The following ADAM12 variants were observed in gnomAD, a reference collection of about 807,000 sequenced individuals.
ADAM12 encodes ADAM metallopeptidase domain 12, also known as disintegrin and metalloproteinase domain-containing protein 12.
In ADAM12, 70 loss-of-function variants were observed where a neutral mutation model predicts 106.4. That is an observed-to-expected ratio of 0.66 (90% CI 0.54 to 0.80). ADAM12 has a LOEUF of 0.80. ADAM12 is among the 30% of genes least tolerant of loss of function. ADAM12 has a pLI of 0.00. For missense variants in ADAM12, 1,010 were observed against 1,171.9 expected (o/e 0.86, Z 2.02); for synonymous variants, 420 against 433.5 (o/e 0.97, Z 0.39).
intron 3 of ADAM12, among the ~76,000 whole-genome samples, chr10:126,268,661 G>A (rs1381903241): frequency 3.3e-5 from 5 of 152,212 alleles, no homozygotes; most frequent in African/African-American, 9.7e-5. Context: ...GTGACTATCA[G>A]TTGCAGTTTT....
intron 18 of ADAM12, chr10:126,041,875 C>T: frequency 1.5e-6 from 2 of 1,348,076 alleles, no homozygotes; most frequent in South Asian, 1.9e-5. Context: ...CTGCTACTCT[C>T]TCAGGAGCAG....
At chr10:126,129,176 A>G (rs1956261072) in intron 5 of ADAM12, among the ~76,000 whole-genome samples, 1 of 152,238 alleles carries the variant, frequency 6.6e-6, no homozygotes, top group African/African-American at 2.4e-5. Context: ...CAGGTGATGA[A>G]GACTTGGGGC....
At chr10:126,260,064 C>A (rs185544209) in intron 3 of ADAM12, among the ~76,000 whole-genome samples, 120 of 152,284 alleles carry the variant, frequency 7.9e-4, no homozygotes, top group East Asian at 6.0e-3. Context: ...TCAAGTGACA[C>A]CTGGGTCCCA....
At chr10:126,033,620 T>C (rs1328831147) in intron 21 of ADAM12, among the ~76,000 whole-genome samples, 2 of 152,138 alleles carry the variant, frequency 1.3e-5, no homozygotes, top group South Asian at 4.1e-4. Context: ...CTGACCTTAC[T>C]CCAGCTCAAC....
intron 11 of ADAM12, among the ~76,000 whole-genome samples, chr10:126,072,110 C>G (rs1477175800): frequency 2.0e-5 from 3 of 152,148 alleles, no homozygotes; most frequent in South Asian, 4.1e-4. Flanking sequence ...TCCAAGGACA[C>G]ATGGTTCCAC....
chr10:126,159,307 C>CAAAAAAAAAAAAAAAAAAA (rs3069557), intron 3 of ADAM12, among the ~76,000 whole-genome samples: 2 of 80,630 alleles, frequency 2.5e-5, no homozygotes, highest in Non-Finnish European at 4.4e-5. Context: ...GAGACTCCAT[C>CAAAAAAAAAAAAAAAAAAA]AAAAAAAAAA....
chr10:126,236,303 G>A (rs1958414668), intron 3 of ADAM12, among the ~76,000 whole-genome samples: 1 of 152,204 alleles, frequency 6.6e-6, no homozygotes, highest in Non-Finnish European at 1.5e-5. Context: ...ACTCTCGAGT[G>A]TCTGGCTGGG....
intron 4 of ADAM12, among the ~76,000 whole-genome samples, chr10:126,138,386 T>G (rs1468810913): frequency 6.6e-6 from 1 of 152,068 alleles, no homozygotes; most frequent in Non-Finnish European, 1.5e-5. Flanking sequence ...ATTTATTTAT[T>G]TTTTTTGAGA....
At chr10:126,351,506 CT>C (rs758852984) in intron 1 of ADAM12, among the ~76,000 whole-genome samples, 5 of 152,296 alleles carry the variant, frequency 3.3e-5, no homozygotes, top group Non-Finnish European at 7.4e-5. Flanking sequence ...ATGGCATGTG[CT>C]TACTACCTGG....
chr10:126,049,894 TC>T lies in ADAM12; in HGVS notation c.1610-226del, dbSNP rs1361877815. Among the ~76,000 whole-genome samples the T allele has an allele frequency of 6.6e-6, 1 of 152,152 alleles. No homozygotes were observed. The highest frequency in any genetic ancestry group is 1.5e-5 in the Non-Finnish European group (1 of 68,032). On this transcript the variant is annotated intron_variant, in intron 14 of 22. Transcript: ENST00000448723. This position sits in a 1 kb window ranked among gnomAD's most constrained non-coding sequence, Gnocchi z 4.4. ...GAGCACATGTTCCAATGCTTACTCT[TC>T]CTTAGGTCTGCTCTCTGGGCTTGTG... is the stretch of plus-strand genomic sequence containing the variant.
intron 3 of ADAM12, among the ~76,000 whole-genome samples, chr10:126,220,110 C>T (rs1415189643): frequency 6.6e-6 from 1 of 152,194 alleles, no homozygotes; most frequent in Non-Finnish European, 1.5e-5. Context: ...GACACATGCC[C>T]ACAGGGCCAG....
At chr10:126,376,375 T>C (rs879485227) in intron 1 of ADAM12, among the ~76,000 whole-genome samples, 1 of 152,152 alleles carries the variant, frequency 6.6e-6, no homozygotes, top group Non-Finnish European at 1.5e-5. Flanking sequence ...ACTCCACAGA[T>C]AAAACAAGAA....
intron 21 of ADAM12, among the ~76,000 whole-genome samples, chr10:126,034,637 G>GA (rs554146389): frequency 5.9e-5 from 9 of 152,198 alleles, no homozygotes; most frequent in East Asian, 3.9e-4. Flanking sequence ...CTAAATGGAT[G>GA]AAAAAATCTA....
chr10:126,280,576 C>T (rs1959525943), intron 2 of ADAM12, among the ~76,000 whole-genome samples: 2 of 152,136 alleles, frequency 1.3e-5, no homozygotes, highest in African/African-American at 4.8e-5. Context: ...AGACCTAAAA[C>T]TTACATCATC....
intron 3 of ADAM12, among the ~76,000 whole-genome samples, chr10:126,162,762 T>C (rs1385354470): frequency 6.6e-6 from 1 of 152,120 alleles, no homozygotes; most frequent in Non-Finnish European, 1.5e-5. Flanking sequence ...CTGAGGACTC[T>C]TGCGTGATGT....
rs189608422 is a variant in ADAM12, at chr10:126,163,973, C to T, written c.261-8668G>A. 1.5e-4 allele frequency among the ~76,000 whole-genome samples: 23 copies of T among 152,304 alleles called. No individual in the cohort carries two copies. In the East Asian group the frequency reaches 4.4e-3, roughly 29 times the overall value. ...AGAAATATGCTTCAAATTGCTTACA[C>T]TGATCATACAGGGGGTATGGGGTGG... is the stretch of plus-strand genomic sequence containing the variant. On this transcript the variant is annotated intron_variant, in intron 3 of 22. Coordinates refer to ENST00000448723, the MANE Select transcript of ADAM12 (RefSeq NM_001288973.2).
rs1471655159 is a variant in ADAM12 at position 126,190,989 on chromosome 10, C to T, written c.261-35684G>A. Among the ~76,000 whole-genome samples the T allele has an allele frequency of 6.6e-4, 45 of 68,632 alleles. 1 individual carries two copies. The highest frequency in any genetic ancestry group is 1.2e-3 in the Non-Finnish European group (29 of 25,088). The allele number at this position is 68,632 out of a possible 152,430, so 45.0% of individuals were successfully genotyped here. On this transcript the variant is annotated intron_variant, in intron 3 of 22. Coordinates refer to ENST00000448723, the MANE Select transcript of ADAM12 (RefSeq NM_001288973.2). Reference sequence around the variant, plus strand: ...TTTGAGTTGCCATGAGGAGTTTTGTCCTTTTTTTTTTTTTTTTTTTTTTTT... The same window carrying T: ...TTTGAGTTGCCATGAGGAGTTTTGTTCTTTTTTTTTTTTTTTTTTTTTTTT...
Position 126,048,637 on chromosome 10 carries a change from G to A in ADAM12, c.1917+616C>T, listed in dbSNP as rs994659020. Among the ~76,000 whole-genome samples the A allele has an allele frequency of 6.0e-5, 9 of 149,448 alleles. No individual in the cohort carries two copies. The East Asian group carries it at 1.8e-3, about 29-fold the overall frequency. On this transcript the variant is annotated intron_variant, in intron 16 of 22. Coordinates refer to ENST00000448723, the MANE Select transcript of ADAM12 (RefSeq NM_001288973.2). ...TCTTAAAACATTGTATTCGCTTGCT[G>A]TCATTTAGTCTGATGAGAAAGTTTG...
rs1412113649 is a variant in ADAM12, at chr10:126,248,681, G to GTATT, written c.260+30233_260+30234insAATA. Among the ~76,000 whole-genome samples, 230 of 31,740 alleles carry GTATT rather than the reference G, an allele frequency of 7.2e-3. 1 individual carries two copies. The highest frequency in any genetic ancestry group is 0.039 in the African/African-American group (201 of 5,216). The allele number at this position is 31,740 out of a possible 152,430, so 20.8% of individuals were successfully genotyped here. On this transcript the variant is annotated intron_variant, in intron 3 of 22. Coordinates refer to ENST00000448723, the MANE Select transcript of ADAM12 (RefSeq NM_001288973.2). Reference sequence around the variant, plus strand: ...TGTATGTATGTATGTATGTATGTATGTATGTATTTATTTATTTATTTATTT... The same window carrying GTATT: ...TGTATGTATGTATGTATGTATGTATGTATTTATGTATTTATTTATTTATTTATTT...
Sources: allele counts gnomAD v4.1 joint callset (sites outside exome capture counted in the v4.1 genomes callset), GRCh38; gene constraint gnomAD v4.1.1; non-coding constraint Gnocchi (gnomAD v3.1); transcripts MANE v1.5; gene names NCBI Gene and HGNC (gene_info 2026-07-23, HGNC 2026-07-21).